CNTNAP3B: variants seen among roughly 807,000 people sequenced by gnomAD.
The protein encoded by CNTNAP3B is contactin associated protein family member 3B, also known as contactin-associated protein-like 3B.
In CNTNAP3B, 25 loss-of-function variants were observed where a neutral mutation model predicts 108.9. The ratio of observed to expected loss-of-function variants is 0.23; its 90% CI spans 0.17 to 0.32. The LOEUF (loss-of-function observed/expected upper bound fraction) is 0.32, where lower values mean the gene tolerates loss of function less well. CNTNAP3B is among the 10% of genes least tolerant of loss of function. The pLI, the probability that CNTNAP3B is intolerant of heterozygous loss-of-function variation, is 1.00. For missense variants in CNTNAP3B, 252 were observed against 1,210.4 expected, an observed-to-expected ratio of 0.21 and a Z score of 11.75; for synonymous variants, 103 against 473.4, an observed-to-expected ratio of 0.22 and a Z score of 10.16.
intron 12 of CNTNAP3B, among the ~76,000 whole-genome samples, chr9:41,956,420 G>A (rs934223987): frequency 1.3e-5 from 2 of 152,222 alleles, no homozygotes; most frequent in Admixed American, 6.5e-5. Flanking sequence ...TAGTTGTATG[G>A]GTACTTGAAA....
At chr9:41,947,202 C>A (rs1824552981) in intron 13 of CNTNAP3B, among the ~76,000 whole-genome samples, 2 of 150,588 alleles carry the variant, frequency 1.3e-5, no homozygotes, top group Non-Finnish European at 3.0e-5. Flanking sequence ...TTAAGAATAG[C>A]AGAATATACA....
At chr9:41,954,667 T>A (rs1471707503) in intron 12 of CNTNAP3B, among the ~76,000 whole-genome samples, 1 of 152,396 alleles carries the variant, frequency 6.6e-6, no homozygotes, top group South Asian at 2.1e-4. Flanking sequence ...TCTATTTTTT[T>A]ATTTTAGATT....
intron 13 of CNTNAP3B, among the ~76,000 whole-genome samples, chr9:41,951,300 T>G (rs1184445993): frequency 7.9e-6 from 1 of 126,346 alleles, no homozygotes; most frequent in African/African-American, 3.0e-5. Context: ...CTGATGGGAG[T>G]AGAATATTCC....
At chr9:42,016,897 A>T (rs1460981513) in intron 3 of CNTNAP3B, among the ~76,000 whole-genome samples, 1 of 151,478 alleles carries the variant, frequency 6.6e-6, no homozygotes, top group Non-Finnish European at 1.5e-5. Context: ...TATTTTTTAC[A>T]GCATTCCTCT....
Position 41,965,123 on chromosome 9 carries a change from T to A in CNTNAP3B, c.1650-479A>T, listed in dbSNP as rs1172581309. Among the ~76,000 whole-genome samples, 14 of 152,416 alleles carry A rather than the reference T, an allele frequency of 9.2e-5. No homozygotes were observed. In the South Asian group the frequency reaches 1.7e-3, roughly 18 times the overall value. The stretch of plus-strand genomic sequence containing the variant: ...TTAATTTAGGTCATCTTGTCGCCTT[T>A]TAGATTTGCAATAAGCAGTCGGTTA... On this transcript the variant is annotated intron_variant, in intron 10 of 23. Transcript: ENST00000377561.
intron 3 of CNTNAP3B, among the ~76,000 whole-genome samples, chr9:42,026,378 C>T (rs1461354195): frequency 5.6e-5 from 3 of 53,660 alleles, no homozygotes; most frequent in Admixed American, 2.1e-4. Flanking sequence ...GGGCAGATCA[C>T]GATCGAGACC....
At position 42,113,880 on chromosome 9, in the gene CNTNAP3B, G is replaced by A. The variant is rs1314720988; in HGVS notation, c.86-9141C>T. Among the ~76,000 whole-genome samples, 2 of 139,074 alleles carry A rather than the reference G, an allele frequency of 1.4e-5. 1 individual carries two copies. Among genetic ancestry groups the A allele is most frequent in the Non-Finnish European group, 3.1e-5 (2 of 64,960 alleles). 91.2% of individuals were successfully genotyped at this position (139,074 alleles called of 152,430 possible). On this transcript the variant is annotated intron_variant, in intron 1 of 23. Coordinates refer to ENST00000377561, the MANE Select transcript of CNTNAP3B (RefSeq NM_001201380.3). ...TTGATGCACTTATTTCACATTGCAT[G>A]CCTGTATCAAAACATCTCATGTAGA...
intron 10 of CNTNAP3B, among the ~76,000 whole-genome samples, chr9:41,967,918 C>A (rs543545173): frequency 6.6e-6 from 1 of 152,236 alleles, no homozygotes; most frequent in Admixed American, 6.5e-5. Flanking sequence ...GTGGCTCACA[C>A]ATTCATGCTT....
chr9:41,931,812 T>G (rs1179074671), intron 14 of CNTNAP3B, among the ~76,000 whole-genome samples: 1 of 125,524 alleles, frequency 8.0e-6, no homozygotes, highest in African/African-American at 3.1e-5. Flanking sequence ...TTTAGCAAGA[T>G]AGTCTAGTAG....
chr9:41,944,647 C>T (rs1309696560), intron 13 of CNTNAP3B, among the ~76,000 whole-genome samples: 2 of 151,336 alleles, frequency 1.3e-5, no homozygotes, highest in East Asian at 3.9e-4. Flanking sequence ...ACAAGGGCAA[C>T]AAATAAAAAA....
intron 10 of CNTNAP3B, 34 bp from the exon 11 acceptor site, chr9:41,964,678 T>G (rs1429223241): frequency 4.6e-6 from 7 of 1,520,538 alleles, no homozygotes; most frequent in African/African-American, 1.4e-5. Context: ...CTGTTTCCCT[T>G]TTTCAATCAT....
chr9:42,078,375 A>G (rs1308326505), intron 2 of CNTNAP3B, among the ~76,000 whole-genome samples: 3 of 136,220 alleles, frequency 2.2e-5, no homozygotes, highest in Non-Finnish European at 4.7e-5. Flanking sequence ...GTCAGATTCT[A>G]AGATATTTTT....
At chr9:42,067,057 T>C (rs1198006130) in intron 3 of CNTNAP3B, among the ~76,000 whole-genome samples, 1 of 152,110 alleles carries the variant, frequency 6.6e-6, no homozygotes, top group African/African-American at 2.4e-5. Flanking sequence ...GCATTGATAA[T>C]ATACTGTGAT....
chr9:41,940,685 G>A (rs1320846408), intron 13 of CNTNAP3B, among the ~76,000 whole-genome samples: 2 of 152,144 alleles, frequency 1.3e-5, no homozygotes, highest in Non-Finnish European at 2.9e-5. Context: ...CGTAGCGGCG[G>A]GAGCCTGTAG....
chr9:41,964,806 C>T (rs1343638109), intron 10 of CNTNAP3B, among the ~76,000 whole-genome samples, 162 bp from the exon 11 acceptor site: 1 of 152,242 alleles, frequency 6.6e-6, no homozygotes, highest in Admixed American at 6.5e-5. Flanking sequence ...TATTGACAAA[C>T]TTTAGATAAA....
intron 13 of CNTNAP3B, among the ~76,000 whole-genome samples, chr9:41,945,750 A>T (rs1163792138): frequency 1.3e-5 from 2 of 152,300 alleles, no homozygotes; most frequent in East Asian, 3.8e-4. Flanking sequence ...GTACCCTAGA[A>T]ATTAAGGTAT....
At chr9:41,916,043 A>C (rs1823508791) in intron 18 of CNTNAP3B, among the ~76,000 whole-genome samples, 2 of 151,546 alleles carry the variant, frequency 1.3e-5, no homozygotes, top group African/African-American at 4.9e-5. Context: ...TACCAAACCC[A>C]TTATTATTTT....
intron 18 of CNTNAP3B, among the ~76,000 whole-genome samples, chr9:41,918,714 G>A (rs1269929788): frequency 6.9e-6 from 1 of 144,316 alleles, no homozygotes; most frequent in East Asian, 2.0e-4. Context: ...CATTCAAATT[G>A]CACTTAGCAA....
intron 13 of CNTNAP3B, among the ~76,000 whole-genome samples, chr9:41,952,767 G>A: frequency 6.6e-6 from 1 of 150,690 alleles, no homozygotes; most frequent in Admixed American, 6.6e-5. Flanking sequence ...AATCTAAAGG[G>A]AGGAAACAAA....
Sources: allele counts gnomAD v4.1 joint callset (sites outside exome capture counted in the v4.1 genomes callset), GRCh38; gene constraint gnomAD v4.1.1; transcripts MANE v1.5; gene names NCBI Gene and HGNC (gene_info 2026-07-23, HGNC 2026-07-21).